The following HORMAD2 variants were observed in gnomAD, a reference collection of about 807,000 sequenced individuals.
The protein encoded by HORMAD2 is HORMA domain-containing protein 2.
Under a neutral mutation model 38.8 loss-of-function variants are expected in HORMAD2, and 45 were observed. That is an observed-to-expected ratio of 1.16 (90% CI 0.91 to 1.49). The LOEUF (loss-of-function observed/expected upper bound fraction) is 1.49, where lower values mean the gene tolerates loss of function less well. Among genes scored for constraint, HORMAD2 ranks in the 40% most tolerant of loss-of-function variants. The probability of loss-of-function intolerance (pLI) is 0.00; values close to 1 mark genes in which losing one functional copy is unlikely to be tolerated. For missense variants in HORMAD2, 338 were observed against 367.0 expected (o/e 0.92, Z 0.65); for synonymous variants, 126 against 122.8 (o/e 1.03, Z -0.17).
chr22:30,129,701 A>G (rs1174928933), intron 10 of HORMAD2, among the ~76,000 whole-genome samples: 1 of 151,542 alleles, frequency 6.6e-6, no homozygotes, highest in Admixed American at 6.6e-5. Context: ...TTTGAGATGC[A>G]CTCTCACTAC....
chr22:30,083,401 C>A (rs941648145), intron 1 of HORMAD2, among the ~76,000 whole-genome samples: 1 of 152,142 alleles, frequency 6.6e-6, no homozygotes, highest in Admixed American at 6.6e-5. Context: ...GTTATGAAAT[C>A]TCTTCTAGGT....
chr22:30,182,256 C>G, the HORMAD2 span, among the ~76,000 whole-genome samples: 1 of 152,136 alleles, frequency 6.6e-6, no homozygotes, highest in African/African-American at 2.4e-5. Flanking sequence ...ATTGTGAGAG[C>G]TCAATGAGTT....
chr22:30,139,743 A>G (rs186905614), intron 10 of HORMAD2, among the ~76,000 whole-genome samples: 88 of 152,116 alleles, frequency 5.8e-4, no homozygotes, highest in African/African-American at 1.9e-3. Flanking sequence ...TGTTATGTTG[A>G]AGAAGTTCCC....
At chr22:30,201,387 T>C in the HORMAD2 span, among the ~76,000 whole-genome samples, 1 of 151,710 alleles carries the variant, frequency 6.6e-6, no homozygotes, top group South Asian at 2.1e-4. Context: ...AATAAGGTTA[T>C]ATTCACAGGT....
intron 10 of HORMAD2, among the ~76,000 whole-genome samples, chr22:30,134,433 AG>A: frequency 6.8e-6 from 1 of 147,518 alleles, no homozygotes; most frequent in Admixed American, 6.8e-5. Context: ...TTATACTTAA[AG>A]TATAATCATA....
the HORMAD2 span, among the ~76,000 whole-genome samples, chr22:30,186,851 T>C: frequency 6.0e-5 from 9 of 149,274 alleles, no homozygotes; most frequent in African/African-American, 2.2e-4. Context: ...GTATAACCTG[T>C]GGTTTAGGAG....
At chr22:30,088,090 T>TAC (rs1162572809) in intron 1 of HORMAD2, among the ~76,000 whole-genome samples, 2 of 151,346 alleles carry the variant, frequency 1.3e-5, no homozygotes, top group Non-Finnish European at 2.9e-5. Context: ...CGTGTACATA[T>TAC]ACACACACGT....
the HORMAD2 span, among the ~76,000 whole-genome samples, chr22:30,200,778 C>T: frequency 3.3e-4 from 46 of 140,872 alleles, no homozygotes; most frequent in African/African-American, 1.2e-3. Context: ...GAGACGGAGT[C>T]TGGCTCTGTC....
chr22:30,144,723 C>T (rs943036957), intron 10 of HORMAD2, among the ~76,000 whole-genome samples: 4 of 152,064 alleles, frequency 2.6e-5, no homozygotes, highest in Middle Eastern at 3.4e-3. Context: ...GAGACCTCAG[C>T]ATTCTCGGTG....
chr22:30,185,868 A>T, the HORMAD2 span, among the ~76,000 whole-genome samples: 12 of 151,968 alleles, frequency 7.9e-5, no homozygotes, highest in East Asian at 1.9e-4. Context: ...AATTAAAAAA[A>T]AAAAAATAAA....
chr22:30,197,760 T>C, the HORMAD2 span, among the ~76,000 whole-genome samples: 1 of 151,994 alleles, frequency 6.6e-6, no homozygotes, highest in African/African-American at 2.4e-5. Flanking sequence ...TCTGAAAAGA[T>C]ACCAATAATG....
intron 5 of HORMAD2, among the ~76,000 whole-genome samples, chr22:30,106,956 A>G (rs1921248192): frequency 6.6e-6 from 1 of 152,268 alleles, no homozygotes; most frequent in African/African-American, 2.4e-5. Flanking sequence ...CAGACAAATT[A>G]TAAGAGATGC....
intron 10 of HORMAD2, among the ~76,000 whole-genome samples, chr22:30,140,167 G>A (rs1923978382): frequency 6.6e-6 from 1 of 152,124 alleles, no homozygotes; most frequent in South Asian, 2.1e-4. Context: ...GGGGGGCTGA[G>A]GCACAAGAAT....
chr22:30,084,325 G>A (rs1007641327), intron 1 of HORMAD2, among the ~76,000 whole-genome samples: 3 of 152,142 alleles, frequency 2.0e-5, no homozygotes, highest in Non-Finnish European at 4.4e-5. Context: ...GAGAGTGAGT[G>A]TGCCAAACTT....
intron 1 of HORMAD2, among the ~76,000 whole-genome samples, 184 bp downstream of exon 1, chr22:30,080,675 G>A (rs1569076143): frequency 6.6e-6 from 1 of 152,194 alleles, no homozygotes; most frequent in Non-Finnish European, 1.5e-5. Flanking sequence ...AGGGCAGGGG[G>A]CTGAGGAGGA....
upstream of HORMAD2, among the ~76,000 whole-genome samples, chr22:30,079,363 T>C (rs1370794150): frequency 1.3e-5 from 2 of 152,186 alleles, no homozygotes; most frequent in African/African-American, 4.8e-5. Flanking sequence ...CAAAGGAGAA[T>C]ATATTTATGT....
intron 10 of HORMAD2, among the ~76,000 whole-genome samples, chr22:30,163,417 A>G (rs1601590913): frequency 6.6e-6 from 1 of 151,710 alleles, no homozygotes; most frequent in East Asian, 1.9e-4. Flanking sequence ...TCATGTGCTG[A>G]TTTTCTTTTC....
chr22:30,115,446 A>G (rs1383830496), intron 7 of HORMAD2, among the ~76,000 whole-genome samples: 1 of 152,212 alleles, frequency 6.6e-6, no homozygotes, highest in Non-Finnish European at 1.5e-5. Flanking sequence ...AAACTTAACT[A>G]TAAGTAGTGT....
At chr22:30,101,897 T>C (rs1248681065) in intron 3 of HORMAD2, among the ~76,000 whole-genome samples, 1 of 151,942 alleles carries the variant, frequency 6.6e-6, no homozygotes, top group East Asian at 1.9e-4. Flanking sequence ...TGAAACCCTG[T>C]CTCTATAAAA....
Sources: gnomAD v4.1 joint callset for allele counts (sites outside exome capture counted in the v4.1 genomes callset) on GRCh38, gnomAD v4.1.1 for gene constraint, MANE v1.5 for transcripts, NCBI Gene and HGNC (gene_info 2026-07-23, HGNC 2026-07-21) for gene names.